ATP10D: variants seen among roughly 807,000 people sequenced by gnomAD.
ATP10D encodes phospholipid-transporting ATPase VD.
Under a neutral mutation model 144.8 loss-of-function variants are expected in ATP10D, and 89 were observed. The observed-to-expected ratio is 0.61, with a 90% CI of 0.52 to 0.73. The LOEUF is 0.73. ATP10D is among the 30% of genes least tolerant of loss of function. The probability of loss-of-function intolerance (pLI) is 0.00; values close to 1 mark genes in which losing one functional copy is unlikely to be tolerated. For missense variants in ATP10D, 1,603 were observed against 1,714.8 expected (o/e 0.93, Z 1.15); for synonymous variants, 571 against 615.1 (o/e 0.93, Z 1.06).
intron 3 of ATP10D, among the ~76,000 whole-genome samples, chr4:47,517,515 C>T (rs1198949907): frequency 6.6e-6 from 1 of 152,136 alleles, no homozygotes; most frequent in Non-Finnish European, 1.5e-5. Flanking sequence ...ATCTGATTCT[C>T]TCAGTTAGCT....
intron 1 of ATP10D, among the ~76,000 whole-genome samples, chr4:47,489,187 C>T (rs1212320119): frequency 6.6e-6 from 1 of 152,004 alleles, no homozygotes; most frequent in African/African-American, 2.4e-5. Context: ...GGATGTTAAC[C>T]TCCCAATAAT....
intron 10 of ATP10D, 197 bp downstream of exon 10, chr4:47,547,059 A>T: frequency 3.3e-6 from 2 of 599,644 alleles, no homozygotes; most frequent in Non-Finnish European, 5.8e-6. Flanking sequence ...TTAAAAAATA[A>T]CTCAATGTTG....
At chr4:47,557,238 T>C (rs938624131) in intron 11 of ATP10D, among the ~76,000 whole-genome samples, 1 of 151,940 alleles carries the variant, frequency 6.6e-6, no homozygotes, top group African/African-American at 2.4e-5. Flanking sequence ...ATTGTTATGG[T>C]TAGGATACAC....
In ATP10D at chr4:47,587,159, A is replaced by G. The variant is rs150993349; in HGVS notation, c.3894A>G (p.Val1298=). The G allele has an allele frequency of 5.0e-6, 8 of 1,613,952 alleles. No individual in the cohort carries two copies. In the East Asian group the frequency reaches 1.1e-4, roughly 22 times the overall value. ...WIMQEHMLDP[V]FYLVCILTTS... ...TGCAGGAGCACATGCTGGATCCAGT[A>G]TTCTACTTAGTTTGTATCCTCACGA... Residue 1298 remains valine, a synonymous_variant, in exon 22 of 23, where the codon GTA becomes GTG. Transcript: ENST00000273859.
intron 18 of ATP10D, among the ~76,000 whole-genome samples, chr4:47,573,430 A>G (rs888616895): frequency 6.6e-6 from 1 of 152,246 alleles, no homozygotes; most frequent in African/African-American, 2.4e-5. Context: ...ACACAGATAC[A>G]GATGAAAACC....
intron 13 of ATP10D, chr4:47,560,136 T>C (rs1489441151): frequency 6.6e-6 from 1 of 152,222 alleles, no homozygotes; most frequent in Non-Finnish European, 1.5e-5. Context: ...CCAACAGGTG[T>C]CAGATTCTCT....
chr4:47,582,679 A>G (rs1484834086), intron 21 of ATP10D, among the ~76,000 whole-genome samples: 2 of 152,146 alleles, frequency 1.3e-5, no homozygotes, highest in East Asian at 3.9e-4. Flanking sequence ...CTTTTAACGG[A>G]GGTAATTTGC....
At chr4:47,505,226 G>A (rs763505729) in intron 1 of ATP10D, among the ~76,000 whole-genome samples, 37 of 152,158 alleles carry the variant, frequency 2.4e-4, no homozygotes, top group Non-Finnish European at 5.1e-4. Context: ...AAAGAAGATG[G>A]GCTTCCCAAT....
At chr4:47,539,968 C>G (rs1343965420) in intron 9 of ATP10D, among the ~76,000 whole-genome samples, 1 of 152,216 alleles carries the variant, frequency 6.6e-6, no homozygotes, top group Non-Finnish European at 1.5e-5. Context: ...CCTGACTGAA[C>G]TGTAATTGAT....
chr4:47,578,873 C>T (rs916033043), intron 19 of ATP10D, among the ~76,000 whole-genome samples: 2 of 152,046 alleles, frequency 1.3e-5, no homozygotes, highest in South Asian at 2.1e-4. Context: ...GTAAAAATTC[C>T]AAGTATATTA....
At chr4:47,529,394 G>A (rs1377906195) in intron 5 of ATP10D, among the ~76,000 whole-genome samples, 1 of 152,078 alleles carries the variant, frequency 6.6e-6, no homozygotes, top group Non-Finnish European at 1.5e-5. Flanking sequence ...ATTGAGTAGG[G>A]TGTCCTTTCC....
chr4:47,588,216 A>C (rs1720876753), intron 22 of ATP10D, among the ~76,000 whole-genome samples: 1 of 152,202 alleles, frequency 6.6e-6, no homozygotes, highest in Non-Finnish European at 1.5e-5. Context: ...GAAATGACTA[A>C]GAAGAATACA....
chr4:47,528,513 G>GTATATATATA (rs796644378), intron 5 of ATP10D, among the ~76,000 whole-genome samples: 4 of 93,342 alleles, frequency 4.3e-5, no homozygotes, highest in African/African-American at 1.8e-4. Context: ...GTGTGTGTGT[G>GTATATATATA]TATATATATA....
intron 18 of ATP10D, 140 bp downstream of exon 18, chr4:47,573,137 C>T: frequency 1.9e-6 from 2 of 1,040,854 alleles, no homozygotes; most frequent in Non-Finnish European, 1.4e-6. Flanking sequence ...GTCTTGCTGT[C>T]TTTCCAGAAC....
intron 13 of ATP10D, among the ~76,000 whole-genome samples, chr4:47,559,343 T>C (rs1449041758): frequency 6.6e-6 from 1 of 152,226 alleles, no homozygotes; most frequent in African/African-American, 2.4e-5. Context: ...CCCCCAGGAC[T>C]TTGAAAATGT....
chr4:47,569,831 A>C lies in ATP10D; in HGVS notation c.3163+685A>C, dbSNP rs188379615. On this transcript the variant is annotated intron_variant, in intron 16 of 22. Transcript: ENST00000273859. ...ATGTGAAGGAAATCATAAAGGGGCC[A>C]TGGGAGACATGGAGAAGAACATTTC... 1.9e-3 allele frequency among the ~76,000 whole-genome samples: 284 copies of C among 152,318 alleles called. 5 individuals carry two copies. Among genetic ancestry groups the C allele is most frequent in the Admixed American group, 0.018 (270 of 15,302 alleles).
At position 47,569,038 on chromosome 4, in the gene ATP10D, C is replaced by G. The variant is rs201412941; in HGVS notation, c.3055C>G (p.Leu1019Val). 1.7e-5 allele frequency: 27 copies of G among 1,614,238 alleles called. No individual in the cohort carries two copies. In the East Asian group the frequency reaches 1.8e-4, roughly 11 times the overall value. ...QESLQKQFLE[L>V]TSWCQAVVCC... is the part of the protein sequence containing the mutation. Reference sequence around the variant, plus strand: ...AAGTCTGCAAAAGCAGTTCCTGGAACTGACATCTTGGTGTCAAGCTGTGGT... The same window carrying G: ...AAGTCTGCAAAAGCAGTTCCTGGAAGTGACATCTTGGTGTCAAGCTGTGGT... Residue 1019 changes from leucine to valine, a missense_variant, in exon 16 of 23, where the codon CTG becomes GTG. Transcript: ENST00000273859.
intron 15 of ATP10D, among the ~76,000 whole-genome samples, chr4:47,566,112 G>C (rs1719627565): frequency 6.6e-6 from 1 of 152,194 alleles, no homozygotes; most frequent in Non-Finnish European, 1.5e-5. Context: ...CTTAGTGAAG[G>C]AATTGCTCCT....
Position 47,558,032 on chromosome 4 carries a change from G to A in ATP10D, c.2193G>A (p.Ala731=), listed in dbSNP as rs766343128. The A allele has an allele frequency of 2.5e-5, 41 of 1,614,052 alleles. No homozygotes were observed. Among genetic ancestry groups the A allele is most frequent in the African/African-American group, 4.0e-5 (3 of 74,914 alleles). The stretch of plus-strand genomic sequence containing the variant: ...ATGAGGCCGAGAGCCCAGACGAAGC[G>A]GCCTTAGTGTATGCCGCCAGGGCTT... The part of the protein sequence containing the change: ...LCYEAESPDE[A]ALVYAARAYQ... Residue 731 remains alanine, a synonymous_variant, in exon 12 of 23, where the codon GCG becomes GCA. Coordinates refer to ENST00000273859, the MANE Select transcript of ATP10D (RefSeq NM_020453.4).
Sources: allele counts gnomAD v4.1 joint callset (sites outside exome capture counted in the v4.1 genomes callset), GRCh38; gene constraint gnomAD v4.1.1; transcripts MANE v1.5; gene names NCBI Gene and HGNC (gene_info 2026-07-23, HGNC 2026-07-21).